Variants in RAPGEF2 observed in about 807,000 individuals in gnomAD.
RAPGEF2 encodes the protein Rap guanine nucleotide exchange factor 2.
In RAPGEF2, 54 loss-of-function variants were observed where a neutral mutation model predicts 186.7. That is an observed-to-expected ratio of 0.29 (90% confidence interval 0.23 to 0.36). RAPGEF2 has a LOEUF of 0.36. Among genes scored for constraint, RAPGEF2 ranks in the 10% least tolerant of loss-of-function variants. The pLI is 1.00. For missense variants in RAPGEF2, 1,532 were observed against 2,045.0 expected (o/e 0.75, Z 4.84); for synonymous variants, 712 against 705.9 (o/e 1.01, Z -0.14).
rs563208997 is a variant in RAPGEF2, at chr4:159,106,323, G to A, written c.69+2092G>A. On this transcript the variant is annotated intron_variant, in intron 1 of 29. Transcript: ENST00000691494. ...AATCCCCACGTTTATTTCTTTTCAA[G>A]AGAAAGTTGTTCGAAATGTGAACGT... is the stretch of plus-strand genomic sequence containing the variant. 1.5e-3 allele frequency among the ~76,000 whole-genome samples: 230 copies of A among 152,268 alleles called. 1 individual carries two copies. The highest frequency in any genetic ancestry group is 5.2e-3 in the African/African-American group (216 of 41,546).
At chr4:159,147,266 T>TA (rs762716521) in intron 1 of RAPGEF2, among the ~76,000 whole-genome samples, 32 of 152,042 alleles carry the variant, frequency 2.1e-4, no homozygotes, top group Non-Finnish European at 3.1e-4. Context: ...CATGTTAATA[T>TA]AATGAATAAA....
intron 26 of RAPGEF2, 126 bp from the exon 27 acceptor site, chr4:159,352,559 T>C: frequency 1.5e-6 from 1 of 681,842 alleles, no homozygotes; most frequent in Non-Finnish European, 2.6e-6. Context: ...ACAAGTGAAA[T>C]GGGGTTTTTC....
intron 7 of RAPGEF2, among the ~76,000 whole-genome samples, chr4:159,260,740 G>A (rs1285693916): frequency 1.3e-5 from 2 of 152,066 alleles, no homozygotes; most frequent in Admixed American, 1.3e-4. Flanking sequence ...TTTATTAGAG[G>A]AAAAGGTTAA....
chr4:159,264,153 G>A (rs762085174), intron 7 of RAPGEF2, among the ~76,000 whole-genome samples: 10 of 152,014 alleles, frequency 6.6e-5, no homozygotes, highest in East Asian at 5.8e-4. Flanking sequence ...AGTGTTTGGC[G>A]TATTATAACC....
chr4:159,122,513 T>G (rs1475345443), intron 1 of RAPGEF2, among the ~76,000 whole-genome samples: 1 of 152,108 alleles, frequency 6.6e-6, no homozygotes, highest in East Asian at 1.9e-4. Flanking sequence ...TCAAAACTTA[T>G]GGACCCTTAC....
chr4:159,342,616 A>ATTTTATTTTATTTTATTTTATTTTAT (rs1554041277), intron 20 of RAPGEF2, among the ~76,000 whole-genome samples: 1 of 118,354 alleles, frequency 8.4e-6, no homozygotes, highest in African/African-American at 3.2e-5. Context: ...ATTTTATTTT[A>ATTTTATTTTATTTTATTTTATTTTAT]TTACTAGAGG....
chr4:159,173,226 C>A (rs1746100877), intron 1 of RAPGEF2, among the ~76,000 whole-genome samples: 1 of 152,092 alleles, frequency 6.6e-6, no homozygotes, highest in South Asian at 2.1e-4. Context: ...ATGAAATTTT[C>A]TATATTTAAA....
At chr4:159,284,990 C>G (rs1445499327) in intron 7 of RAPGEF2, among the ~76,000 whole-genome samples, 1 of 152,146 alleles carries the variant, frequency 6.6e-6, no homozygotes, top group Non-Finnish European at 1.5e-5. Context: ...GAGGTTGAGA[C>G]TGCAATGAGC....
At position 159,345,320 on chromosome 4, in the gene RAPGEF2, A is replaced by G; in HGVS notation, c.3493A>G (p.Thr1165Ala). Residue 1165 changes from threonine to alanine, a missense_variant, in exon 24 of 30, where the codon ACC becomes GCC. Transcript: ENST00000691494. ...QTLSLQCEPA[T>A]NTLPKNPGDK... The stretch of plus-strand genomic sequence containing the variant: ...ATTATCTCTGCAGTGTGAGCCAGCA[A>G]CCAACACATGTGAGTTTTTCCTTAA... The G allele has an allele frequency of 6.2e-7, 1 of 1,614,070 alleles. No individual in the cohort carries two copies. Among genetic ancestry groups the G allele is most frequent in the Non-Finnish European group, 8.5e-7 (1 of 1,179,986 alleles).
chr4:159,219,283 G>A (rs1751278163), intron 4 of RAPGEF2, among the ~76,000 whole-genome samples: 1 of 146,760 alleles, frequency 6.8e-6, no homozygotes, highest in Non-Finnish European at 1.5e-5. Context: ...TATATGTATT[G>A]TTCTTTTTAA....
chr4:159,251,000 C>T (rs893584168), intron 7 of RAPGEF2, among the ~76,000 whole-genome samples: 17 of 152,344 alleles, frequency 1.1e-4, no homozygotes, highest in Admixed American at 4.6e-4. Flanking sequence ...ACAGGCTTAG[C>T]AGGCCCTGCA....
rs1029200462 is a variant in RAPGEF2 at position 159,230,869 on chromosome 4, T to C, written c.282-7940T>C. On this transcript the variant is annotated intron_variant, in intron 4 of 29. Coordinates refer to ENST00000691494, the MANE Select transcript of RAPGEF2 (RefSeq NM_001394067.2). ...AAACTACTTAAGAAGAGGGACTATATTTAGTGAGTTTTTCTGTAAACGCTG... is the reference window on the plus strand; with the variant it reads ...AAACTACTTAAGAAGAGGGACTATACTTAGTGAGTTTTTCTGTAAACGCTG... Among the ~76,000 whole-genome samples the C allele has an allele frequency of 2.0e-5, 3 of 152,250 alleles. No individual in the cohort carries two copies. The East Asian group carries it at 5.8e-4, about 29-fold the overall frequency.
intron 3 of RAPGEF2, among the ~76,000 whole-genome samples, chr4:159,206,968 A>G (rs1180987683): frequency 6.6e-6 from 1 of 152,220 alleles, no homozygotes; most frequent in African/African-American, 2.4e-5. Flanking sequence ...CTTTTAATTA[A>G]CTTACTTTTC....
rs201922456 is a variant in RAPGEF2, at chr4:159,346,827, G to A, written c.3541G>A (p.Glu1181Lys). The change falls in exon 25 of 30, where the codon GAG becomes AAG. Residue 1181 changes from glutamate (E) to lysine (K), a missense_variant. This residue lies in a region of RAPGEF2 where 117 missense variants were observed against 180.8 expected (regional missense o/e 0.65). Coordinates refer to ENST00000691494, the MANE Select transcript of RAPGEF2 (RefSeq NM_001394067.2). ...NPGDKKPVKSETSPVAPRAGS... is the reference protein window; with the variant it reads ...NPGDKKPVKSKTSPVAPRAGS... Reference sequence around the variant, plus strand: ...TGGTGACAAAAAGCCTGTCAAATCCGAGACCTCTCCAGTAGCTCCAAGGGC... The same window carrying A: ...TGGTGACAAAAAGCCTGTCAAATCCAAGACCTCTCCAGTAGCTCCAAGGGC... 3 of 1,614,084 alleles carry A rather than the reference G, an allele frequency of 1.9e-6. No individual in the cohort carries two copies. The highest frequency in any genetic ancestry group is 2.5e-6 in the Non-Finnish European group (3 of 1,180,026).
At chr4:159,342,874 T>A (rs3749465) in intron 20 of RAPGEF2, 105 bp from the exon 21 acceptor site, 397,042 of 973,292 alleles carry the variant, frequency 0.41, 87,508 homozygotes, top group Non-Finnish European at 0.46. Context: ...CTTCTGTAAA[T>A]TGTTATGCAT....
intron 9 of RAPGEF2, among the ~76,000 whole-genome samples, chr4:159,318,053 T>A (rs1764806944): frequency 6.8e-6 from 1 of 146,820 alleles, no homozygotes. Flanking sequence ...TAAAAAGCCA[T>A]CTTTAAAAAA....
intron 7 of RAPGEF2, among the ~76,000 whole-genome samples, chr4:159,272,620 T>A (rs948966277): frequency 5.3e-5 from 8 of 152,134 alleles, no homozygotes; most frequent in Non-Finnish European, 7.3e-5. Flanking sequence ...GTTCAAAGGG[T>A]ATGGTTGGAA....
chr4:159,240,009 C>T (rs534752120), intron 5 of RAPGEF2, among the ~76,000 whole-genome samples: 4 of 152,182 alleles, frequency 2.6e-5, no homozygotes, highest in Non-Finnish European at 4.4e-5. Flanking sequence ...TTTTACAAAA[C>T]GTACTCAAGT....
chr4:159,202,122 C>G (rs1034750108), intron 3 of RAPGEF2, among the ~76,000 whole-genome samples: 9 of 152,192 alleles, frequency 5.9e-5, no homozygotes, highest in African/African-American at 2.2e-4. Flanking sequence ...GCCACTGTTT[C>G]TGGACATTTT....
Sources: allele counts gnomAD v4.1 joint callset (sites outside exome capture counted in the v4.1 genomes callset), GRCh38; gene constraint gnomAD v4.1.1; regional missense constraint gnomAD v4.1.1; transcripts MANE v1.5; gene names NCBI Gene and HGNC (gene_info 2026-07-23, HGNC 2026-07-21).